The following DSCAM variants were observed in gnomAD, a reference collection of about 807,000 sequenced individuals.
DSCAM encodes DS cell adhesion molecule.
Under a neutral mutation model 217.7 loss-of-function variants are expected in DSCAM, and 47 were observed. The observed-to-expected ratio is 0.22, with a 90% CI of 0.17 to 0.28. The LOEUF (loss-of-function observed/expected upper bound fraction) is 0.28, where lower values mean the gene tolerates loss of function less well. Ranked by LOEUF, DSCAM falls within the 10% of genes least tolerant of loss-of-function variation. The pLI is 1.00. For missense variants in DSCAM, 2,080 were observed against 2,618.3 expected (o/e 0.79, Z 4.49); for synonymous variants, 1,056 against 1,015.3 (o/e 1.04, Z -0.76).
At chr21:40,017,599 T>TTG (rs2088182531) in intron 32 of DSCAM, among the ~76,000 whole-genome samples, 3 of 151,912 alleles carry the variant, frequency 2.0e-5, no homozygotes, top group Non-Finnish European at 4.4e-5. Flanking sequence ...TTTGCTCTTG[T>TTG]CGCCCAGGCT....
At chr21:40,559,386 G>A (rs1435576979) in intron 3 of DSCAM, among the ~76,000 whole-genome samples, 2 of 151,952 alleles carry the variant, frequency 1.3e-5, no homozygotes, top group Non-Finnish European at 2.9e-5. Flanking sequence ...TAAACCCGGG[G>A]GGTGGAGCTT....
chr21:40,514,940 A>C (rs1226401699), intron 3 of DSCAM, among the ~76,000 whole-genome samples: 1 of 152,200 alleles, frequency 6.6e-6, no homozygotes, highest in Admixed American at 6.5e-5. Context: ...AGGAAAAGGA[A>C]AAGCTAAACT....
intron 1 of DSCAM, among the ~76,000 whole-genome samples, chr21:40,800,083 T>C (rs1311252333): frequency 6.6e-6 from 1 of 152,168 alleles, no homozygotes; most frequent in African/African-American, 2.4e-5. Flanking sequence ...AACGGAGACT[T>C]GAACAATAAC....
chr21:40,508,757 ATATATATATATATATATATATATATATTT>A (rs1466313371), intron 3 of DSCAM, among the ~76,000 whole-genome samples: 346 of 9,552 alleles, frequency 0.036, 6 homozygotes, highest in Middle Eastern at 0.083. Flanking sequence ...ATATATATAT[ATATATATATATATATATATATATATATTT>A]TTTTTTTTTT....
chr21:40,762,446 G>C (rs933960819), intron 1 of DSCAM, among the ~76,000 whole-genome samples: 2 of 152,136 alleles, frequency 1.3e-5, no homozygotes, highest in East Asian at 3.9e-4. Context: ...CCAATAACAA[G>C]TTCTGAAATT....
chr21:40,433,913 G>A (rs533215969), intron 3 of DSCAM, among the ~76,000 whole-genome samples: 93 of 152,236 alleles, frequency 6.1e-4, no homozygotes, highest in Non-Finnish European at 1.0e-3. Context: ...ACCTGAAGTG[G>A]ACGATGTCAT....
chr21:40,300,219 T>A (rs1227905383), intron 9 of DSCAM, among the ~76,000 whole-genome samples: 3 of 151,996 alleles, frequency 2.0e-5, no homozygotes, highest in African/African-American at 7.3e-5. Flanking sequence ...CATCATTAGC[T>A]TATATCACAG....
At chr21:40,785,433 T>C (rs1663445630) in intron 1 of DSCAM, among the ~76,000 whole-genome samples, 1 of 152,246 alleles carries the variant, frequency 6.6e-6, no homozygotes. Context: ...TCCTGAAGTT[T>C]CCTAAAATAA....
intron 2 of DSCAM, among the ~76,000 whole-genome samples, chr21:40,696,912 C>T (rs972035606): frequency 3.3e-5 from 5 of 152,062 alleles, no homozygotes; most frequent in African/African-American, 1.2e-4. Context: ...GTGTTGGGAG[C>T]ACAGTAAATC....
At chr21:40,826,044 T>C (rs1420488008) in intron 1 of DSCAM, among the ~76,000 whole-genome samples, 1 of 152,214 alleles carries the variant, frequency 6.6e-6, no homozygotes, top group Non-Finnish European at 1.5e-5. Context: ...TAGACAAATG[T>C]GGGCTTCCCC....
intron 3 of DSCAM, among the ~76,000 whole-genome samples, chr21:40,545,008 A>T (rs913501569): frequency 2.0e-5 from 3 of 151,980 alleles, no homozygotes; most frequent in East Asian, 1.9e-4. Context: ...GAAATTATAA[A>T]CCCCAGTAGG....
Position 40,124,369 on chromosome 21 carries a change from C to T in DSCAM, c.3563-41G>A, listed in dbSNP as rs199948858. On this transcript the variant is annotated intron_variant, in intron 19 of 32. Coordinates refer to ENST00000400454, the MANE Select transcript of DSCAM (RefSeq NM_001389.5). ...GTTTAGTCACAAGGTGGGGCCTCAACTTGGGCTTGCGGACCCACGCTTCCC... is the reference window on the plus strand; with the variant it reads ...GTTTAGTCACAAGGTGGGGCCTCAATTTGGGCTTGCGGACCCACGCTTCCC... The T allele has an allele frequency of 1.3e-4, 202 of 1,610,078 alleles. No homozygotes were observed. In the African/African-American group the frequency reaches 2.2e-3, roughly 18 times the overall value.
chr21:40,681,110 C>T (rs897741754), intron 3 of DSCAM, among the ~76,000 whole-genome samples: 3 of 152,240 alleles, frequency 2.0e-5, no homozygotes, highest in Admixed American at 6.5e-5. Flanking sequence ...GACTACTAAT[C>T]ACTTGGGAAA....
At chr21:40,527,866 G>A (rs1568879857) in intron 3 of DSCAM, among the ~76,000 whole-genome samples, 3 of 152,112 alleles carry the variant, frequency 2.0e-5, no homozygotes, top group Admixed American at 6.5e-5. Context: ...CCTGTATGCG[G>A]CTCTCCTTTT....
intron 11 of DSCAM, among the ~76,000 whole-genome samples, chr21:40,253,782 T>C (rs1220354676): frequency 6.6e-6 from 1 of 152,276 alleles, no homozygotes; most frequent in Non-Finnish European, 1.5e-5. Flanking sequence ...TGGAAGCTCC[T>C]GTGCTCAGGA....
Position 40,423,579 on chromosome 21 carries a change from T to C in DSCAM, c.509-54334A>G, listed in dbSNP as rs55645594. 7.5e-3 allele frequency among the ~76,000 whole-genome samples: 1,142 copies of C among 152,312 alleles called. 17 individuals are homozygous for C. Among genetic ancestry groups the C allele is most frequent in the African/African-American group, 0.025 (1,059 of 41,566 alleles). On this transcript the variant is annotated intron_variant, in intron 3 of 32. Coordinates refer to ENST00000400454, the MANE Select transcript of DSCAM (RefSeq NM_001389.5). ...CCTTCAAGTTGCCTGCTTCAGTCTC[T>C]TCCAAGTGTACTTCCCTTTCTTTCC...
At chr21:40,548,595 G>A (rs549982420) in intron 3 of DSCAM, among the ~76,000 whole-genome samples, 4 of 151,794 alleles carry the variant, frequency 2.6e-5, no homozygotes, top group African/African-American at 9.7e-5. Flanking sequence ...TCAATAGCAC[G>A]TGCAATTTCC....
intron 1 of DSCAM, among the ~76,000 whole-genome samples, chr21:40,780,197 C>G (rs560600898): frequency 6.6e-6 from 1 of 152,104 alleles, no homozygotes; most frequent in East Asian, 1.9e-4. Flanking sequence ...TGCTGAAGCA[C>G]GTGTTCTTTC....
At chr21:40,324,896 A>G (rs2074301402) in intron 8 of DSCAM, among the ~76,000 whole-genome samples, 1 of 152,222 alleles carries the variant, frequency 6.6e-6, no homozygotes, top group Non-Finnish European at 1.5e-5. Flanking sequence ...ATTTTTGTTT[A>G]TATGGACTTC....
Sources: allele counts gnomAD v4.1 joint callset (sites outside exome capture counted in the v4.1 genomes callset), GRCh38; gene constraint gnomAD v4.1.1; transcripts MANE v1.5; gene names NCBI Gene and HGNC (gene_info 2026-07-23, HGNC 2026-07-21).